BTG4: variants seen among roughly 807,000 people sequenced by gnomAD.
The protein encoded by BTG4 is BTG anti-proliferation factor 4.
BTG4 carries 10 observed loss-of-function variants against 19.3 expected under a neutral mutation model. That is an observed-to-expected ratio of 0.52 (90% confidence interval 0.32 to 0.88). The LOEUF (loss-of-function observed/expected upper bound fraction) is 0.88, where lower values mean the gene tolerates loss of function less well. Among genes scored for constraint, BTG4 ranks in the 40% least tolerant of loss-of-function variants. The pLI is 0.04. For missense variants in BTG4, 238 were observed against 281.9 expected (o/e 0.84, Z 1.11); for synonymous variants, 91 against 95.7 (o/e 0.95, Z 0.29).
chr11:111,439,292 T>C, the BTG4 span, among the ~76,000 whole-genome samples: 1 of 152,252 alleles, frequency 6.6e-6, no homozygotes, highest in Non-Finnish European at 1.5e-5. Context: ...CTGGAGGCTT[T>C]GCCCAGCGCA....
the BTG4 span, among the ~76,000 whole-genome samples, chr11:111,425,392 AGGATACAGTCGAAAAAGAAGACT>A: frequency 2.6e-5 from 4 of 152,062 alleles, no homozygotes; most frequent in Non-Finnish European, 5.9e-5. Context: ...AGTCCCTCCA[AGGATACAGTCGAAAAAGAAGACT>A]GGAGAGCCCC....
chr11:111,485,336 G>T (rs1864992202), intron 5 of BTG4, among the ~76,000 whole-genome samples: 1 of 152,020 alleles, frequency 6.6e-6, no homozygotes. Flanking sequence ...ACATTCTCAA[G>T]GACAGACCAT....
At chr11:111,442,635 G>C in the BTG4 span, among the ~76,000 whole-genome samples, 5 of 151,170 alleles carry the variant, frequency 3.3e-5, no homozygotes, top group African/African-American at 1.2e-4. Flanking sequence ...ACAATCATGA[G>C]GTATGTCCAA....
At chr11:111,501,706 T>C (rs73013171) in intron 1 of BTG4, among the ~76,000 whole-genome samples, 1,799 of 152,308 alleles carry the variant, frequency 0.012, 15 homozygotes, top group Non-Finnish European at 0.019. Context: ...ATGTTTGAGG[T>C]AATGGATATC....
chr11:111,474,733 A>G (rs1565445008), intron 5 of BTG4, among the ~76,000 whole-genome samples: 1 of 152,184 alleles, frequency 6.6e-6, no homozygotes, highest in South Asian at 2.1e-4. Context: ...AGTAGATACT[A>G]CCAACTAGAG....
At chr11:111,395,716 G>C in the BTG4 span, among the ~76,000 whole-genome samples, 1 of 152,168 alleles carries the variant, frequency 6.6e-6, no homozygotes, top group Non-Finnish European at 1.5e-5. Context: ...GGGCCCACAG[G>C]CTGTCTTTGG....
chr11:111,499,084 A>C (rs1251664431), intron 1 of BTG4, among the ~76,000 whole-genome samples: 1 of 152,202 alleles, frequency 6.6e-6, no homozygotes, highest in Non-Finnish European at 1.5e-5. Flanking sequence ...AAACATCACT[A>C]CAACTTAAAA....
At chr11:111,421,690 A>G in the BTG4 span, among the ~76,000 whole-genome samples, 1 of 152,162 alleles carries the variant, frequency 6.6e-6, no homozygotes, top group Non-Finnish European at 1.5e-5. Context: ...TGAGGCAGGT[A>G]GATCACAAGG....
chr11:111,444,744 AG>A, the BTG4 span, among the ~76,000 whole-genome samples: 7 of 152,236 alleles, frequency 4.6e-5, no homozygotes, highest in Non-Finnish European at 1.0e-4. Flanking sequence ...AGAAGAGGTA[AG>A]GGAATCAAAT....
intron 5 of BTG4, among the ~76,000 whole-genome samples, chr11:111,488,760 A>C (rs1460723908): frequency 6.6e-6 from 1 of 152,160 alleles, no homozygotes; most frequent in Non-Finnish European, 1.5e-5. Flanking sequence ...AAAAAAATTC[A>C]ATTTTTTTGG....
intron 1 of BTG4, among the ~76,000 whole-genome samples, chr11:111,511,000 A>G (rs2135751982): frequency 6.6e-6 from 1 of 152,338 alleles, no homozygotes; most frequent in South Asian, 2.1e-4. Context: ...TCTCCTAACC[A>G]AGATTTCTCT....
chr11:111,434,395 C>T, the BTG4 span, among the ~76,000 whole-genome samples: 1 of 152,026 alleles, frequency 6.6e-6, no homozygotes, highest in Non-Finnish European at 1.5e-5. Context: ...ACACTGGGGC[C>T]TGTTGTGGGA....
At chr11:111,453,854 T>C in the BTG4 span, among the ~76,000 whole-genome samples, 1 of 152,234 alleles carries the variant, frequency 6.6e-6, no homozygotes. Flanking sequence ...AGTTACACAG[T>C]GACCAGTACT....
intron 5 of BTG4, among the ~76,000 whole-genome samples, chr11:111,488,836 T>C (rs553593286): frequency 1.3e-5 from 2 of 152,212 alleles, no homozygotes; most frequent in Admixed American, 6.5e-5. Flanking sequence ...AGGTACTGAA[T>C]AGAGATTTCT....
chr11:111,503,205 A>C (rs1866209830), intron 1 of BTG4, among the ~76,000 whole-genome samples: 1 of 152,240 alleles, frequency 6.6e-6, no homozygotes, highest in Non-Finnish European at 1.5e-5. Flanking sequence ...AGTTTCAAAC[A>C]CTTGTAACCA....
chr11:111,501,183 C>T (rs1866055634), intron 1 of BTG4, among the ~76,000 whole-genome samples: 1 of 152,012 alleles, frequency 6.6e-6, no homozygotes, highest in East Asian at 1.9e-4. Flanking sequence ...CTGGGCAACT[C>T]AGTAAGACCC....
the BTG4 span, among the ~76,000 whole-genome samples, chr11:111,419,502 G>C: frequency 1.3e-5 from 2 of 152,270 alleles, no homozygotes; most frequent in Admixed American, 1.3e-4. Context: ...GGCAAGAGAA[G>C]GTGTCAATAC....
At chr11:111,403,662 A>G in the BTG4 span, among the ~76,000 whole-genome samples, 1 of 152,224 alleles carries the variant, frequency 6.6e-6, no homozygotes, top group Non-Finnish European at 1.5e-5. Context: ...TGAGTGGGTG[A>G]CAAATTAAGC....
At chr11:111,500,306 G>A (rs1013285754) in intron 1 of BTG4, among the ~76,000 whole-genome samples, 1 of 152,130 alleles carries the variant, frequency 6.6e-6, no homozygotes, top group African/African-American at 2.4e-5. Context: ...CCTGACATAC[G>A]TTAAGTCTTT....
Sources: allele counts gnomAD v4.1 joint callset (sites outside exome capture counted in the v4.1 genomes callset), GRCh38; gene constraint gnomAD v4.1.1; transcripts MANE v1.5; gene names NCBI Gene and HGNC (gene_info 2026-07-23, HGNC 2026-07-21).